Variants in SUGCT observed in about 807,000 individuals in gnomAD.
SUGCT encodes succinyl-CoA:glutarate CoA-transferase.
Under a neutral mutation model 55.0 loss-of-function variants are expected in SUGCT, and 41 were observed. The ratio of observed to expected loss-of-function variants is 0.74; its 90% CI spans 0.58 to 0.97. The LOEUF is 0.97. SUGCT is among the 50% of genes least tolerant of loss of function. The pLI is 0.00. For missense variants in SUGCT, 568 were observed against 547.8 expected (o/e 1.04, Z -0.37); for synonymous variants, 187 against 200.4 (o/e 0.93, Z 0.56).
At chr7:40,807,081 A>T (rs1791140727) in intron 13 of SUGCT, among the ~76,000 whole-genome samples, 1 of 152,252 alleles carries the variant, frequency 6.6e-6, no homozygotes, top group African/African-American at 2.4e-5. Context: ...AATTGGTAAT[A>T]GCAGTAGTGT....
At chr7:40,672,056 AAAG>A (rs1801966609) in intron 12 of SUGCT, among the ~76,000 whole-genome samples, 1 of 152,238 alleles carries the variant, frequency 6.6e-6, no homozygotes, top group South Asian at 2.1e-4. Context: ...GATTTTTGAC[AAAG>A]GTGCAAAAGC....
chr7:40,363,088 G>C, intron 9 of SUGCT, among the ~76,000 whole-genome samples: 1 of 152,124 alleles, frequency 6.6e-6, no homozygotes, highest in Admixed American at 6.6e-5. Context: ...AGATTTTCTA[G>C]TTTATTTGCA....
the SUGCT span, among the ~76,000 whole-genome samples, chr7:41,027,761 T>C: frequency 1.3e-5 from 2 of 152,088 alleles, no homozygotes; most frequent in Non-Finnish European, 2.9e-5. Flanking sequence ...AACAGGGACA[T>C]ATTTAATTTT....
intron 9 of SUGCT, among the ~76,000 whole-genome samples, chr7:40,342,710 T>G (rs2151180420): frequency 6.6e-6 from 1 of 152,282 alleles, no homozygotes; most frequent in South Asian, 2.1e-4. Flanking sequence ...TGGCGTGATC[T>G]TGACTCACTG....
chr7:40,651,941 T>C (rs1256473746), intron 12 of SUGCT, among the ~76,000 whole-genome samples: 1 of 152,162 alleles, frequency 6.6e-6, no homozygotes, highest in Non-Finnish European at 1.5e-5. Context: ...TTTTATTTCA[T>C]CTTTGTATCT....
chr7:41,034,477 C>T, the SUGCT span, among the ~76,000 whole-genome samples: 1 of 152,150 alleles, frequency 6.6e-6, no homozygotes, highest in East Asian at 1.9e-4. Flanking sequence ...GACCCATGAA[C>T]ACAATCTTGC....
At chr7:40,651,341 C>T (rs973122743) in intron 12 of SUGCT, among the ~76,000 whole-genome samples, 4 of 152,028 alleles carry the variant, frequency 2.6e-5, no homozygotes, top group Admixed American at 1.3e-4. Flanking sequence ...CTCTAATGAT[C>T]AGTGATGTTA....
At chr7:40,667,232 T>A (rs1801692906) in intron 12 of SUGCT, among the ~76,000 whole-genome samples, 1 of 149,690 alleles carries the variant, frequency 6.7e-6, no homozygotes, top group South Asian at 2.1e-4. Context: ...TTTAACTCTG[T>A]TAATTTAATT....
At chr7:40,959,728 A>C in the SUGCT span, among the ~76,000 whole-genome samples, 1 of 150,616 alleles carries the variant, frequency 6.6e-6, no homozygotes, top group Non-Finnish European at 1.5e-5. Flanking sequence ...AAAAAAAAAA[A>C]AACTCCTACA....
chr7:40,189,648 G>A lies in SUGCT; in HGVS notation c.363+54G>A, dbSNP rs915240458. ...ACCACCTAGGTTATAATTAGGGTTT[G>A]GAATATCAGAGCAAAAGTGTTTTAA... On this transcript the variant is annotated intron_variant, in intron 5 of 13. Transcript: ENST00000335693. The A allele has an allele frequency of 3.9e-6, 4 of 1,013,384 alleles. No homozygotes were observed. In the Admixed American group the frequency reaches 9.0e-5, roughly 23 times the overall value. The allele number at this position is 1,013,384 out of a possible 1,614,324, so 62.8% of individuals were successfully genotyped here.
At chr7:40,221,242 A>G (rs1045325248) in intron 6 of SUGCT, among the ~76,000 whole-genome samples, 18 of 151,510 alleles carry the variant, frequency 1.2e-4, no homozygotes, top group Non-Finnish European at 1.0e-4. Flanking sequence ...AGTGAAACCC[A>G]GTCTCTACTA....
chr7:40,875,275 C>A, the SUGCT span, among the ~76,000 whole-genome samples: 1 of 152,298 alleles, frequency 6.6e-6, no homozygotes, highest in South Asian at 2.1e-4. Context: ...TCTCAGAAAT[C>A]TTTCTTTCAG....
chr7:40,766,260 G>T (rs1788784820), intron 13 of SUGCT, among the ~76,000 whole-genome samples: 1 of 152,064 alleles, frequency 6.6e-6, no homozygotes, highest in Non-Finnish European at 1.5e-5. Context: ...GTCCCAGCTG[G>T]AGTGCAGTGG....
At chr7:40,295,350 C>T (rs538922540) in intron 8 of SUGCT, among the ~76,000 whole-genome samples, 12 of 152,208 alleles carry the variant, frequency 7.9e-5, no homozygotes, top group African/African-American at 2.2e-4. Context: ...TCAAGGCAGG[C>T]GGATCACCTG....
chr7:40,417,663 C>A (rs913749654), intron 9 of SUGCT, among the ~76,000 whole-genome samples: 2 of 151,500 alleles, frequency 1.3e-5, no homozygotes, highest in African/African-American at 4.8e-5. Context: ...TATTTGTTCT[C>A]ATTTCATAGT....
chr7:40,153,783 A>G (rs1392345575), intron 1 of SUGCT: 10 of 413,970 alleles, frequency 2.4e-5, no homozygotes, highest in Non-Finnish European at 4.9e-5. Flanking sequence ...AAGGCTAACC[A>G]TCCTTGCCCA....
At chr7:40,588,625 A>G (rs1347697151) in intron 12 of SUGCT, among the ~76,000 whole-genome samples, 4 of 152,216 alleles carry the variant, frequency 2.6e-5, no homozygotes, top group Non-Finnish European at 5.9e-5. Context: ...TGATTTAAGC[A>G]TTTCATTTGA....
intron 10 of SUGCT, among the ~76,000 whole-genome samples, chr7:40,458,542 T>C (rs1789609728): frequency 1.3e-5 from 2 of 152,222 alleles, no homozygotes; most frequent in African/African-American, 4.8e-5. Flanking sequence ...ATGGTGAGAA[T>C]TTGGGTAAAT....
At chr7:40,345,022 CA>C (rs554653393) in intron 9 of SUGCT, among the ~76,000 whole-genome samples, 112 of 152,252 alleles carry the variant, frequency 7.4e-4, no homozygotes, top group African/African-American at 2.6e-3. Flanking sequence ...TGGGGTCCCC[CA>C]GAGTTCATAT....
Sources: gnomAD v4.1 joint callset for allele counts (sites outside exome capture counted in the v4.1 genomes callset) on GRCh38, gnomAD v4.1.1 for gene constraint, MANE v1.5 for transcripts, NCBI Gene and HGNC (gene_info 2026-07-23, HGNC 2026-07-21) for gene names.